The following SMAD6 variants were observed in gnomAD, a reference collection of about 807,000 sequenced individuals.
The protein encoded by SMAD6 is SMAD family member 6.
Under a neutral mutation model 39.4 loss-of-function variants are expected in SMAD6, and 103 were observed. The observed-to-expected ratio is 2.62, with a 90% confidence interval of 2.23 to 3.08. The LOEUF (loss-of-function observed/expected upper bound fraction) is 3.08, where lower values mean the gene tolerates loss of function less well. SMAD6 is among the 30% of genes most tolerant of loss of function. SMAD6 has a pLI of 0.00. For synonymous variants in SMAD6, 445 were observed against 353.3 expected (o/e 1.26, Z -2.91); for missense variants, 1,104 against 742.9 (o/e 1.49, Z -5.65).
chr15:66,775,843 A>T (rs1441179936), intron 3 of SMAD6, among the ~76,000 whole-genome samples: 1 of 152,248 alleles, frequency 6.6e-6, no homozygotes, highest in Non-Finnish European at 1.5e-5. Flanking sequence ...GAGGAGAAAA[A>T]GATCCTTCTG....
chr15:66,717,184 G>T (rs1409760759), intron 3 of SMAD6: 2 of 1,269,588 alleles, frequency 1.6e-6, no homozygotes, highest in Non-Finnish European at 2.1e-6. Flanking sequence ...ACCAAGGTCT[G>T]TGGGGCCCTT....
chr15:66,703,647 C>G lies in SMAD6; in HGVS notation c.389C>G (p.Ser130Trp). The G allele has an allele frequency of 8.1e-7, 1 of 1,231,800 alleles. No individual in the cohort carries two copies. The allele number at this position is 1,231,800 out of a possible 1,614,324, so 76.3% of individuals were successfully genotyped here. A position where few individuals can be genotyped will look rare whatever the true frequency, so the allele number is the denominator to read the frequency against. The change falls in exon 1 of 4, where the codon TCG (serine) becomes TGG (tryptophan). Residue 130 changes from serine (S) to tryptophan (W), a missense_variant. Physicochemically the swap from Ser to Trp is radical, Grantham distance 177. Coordinates refer to ENST00000288840, the MANE Select transcript of SMAD6 (RefSeq NM_005585.5). ...DCETVTCCLF[S>W]ERDAAGAPRD... ...GAGACGGTGACCTGCTGTCTCTTTT[C>G]GGAGCGGGACGCCGCCGGCGCGCCC... is the stretch of plus-strand genomic sequence containing the variant.
intron 3 of SMAD6, among the ~76,000 whole-genome samples, chr15:66,737,428 G>A (rs977428351): frequency 2.3e-4 from 35 of 152,320 alleles, no homozygotes; most frequent in African/African-American, 8.2e-4. Flanking sequence ...AGAAGTGAGC[G>A]CGGGTCGGCT....
At chr15:66,774,756 T>C (rs1329694992) in intron 3 of SMAD6, among the ~76,000 whole-genome samples, 1 of 152,202 alleles carries the variant, frequency 6.6e-6, no homozygotes, top group African/African-American at 2.4e-5. Context: ...AGAAATAAGA[T>C]ATTTCCATCA....
chr15:66,731,021 G>T (rs1188895620), intron 3 of SMAD6, among the ~76,000 whole-genome samples: 3 of 150,750 alleles, frequency 2.0e-5, no homozygotes, highest in Non-Finnish European at 4.4e-5. Context: ...TTTTTGTTTT[G>T]GTTTATTAAG....
In SMAD6 at chr15:66,703,883, C is replaced by G; in HGVS notation, c.625C>G (p.Pro209Ala). The G allele has an allele frequency of 7.6e-7, 1 of 1,313,382 alleles. No individual in the cohort carries two copies. Among genetic ancestry groups the G allele is most frequent in the Non-Finnish European group, 9.7e-7 (1 of 1,030,318 alleles). 81.4% of individuals were successfully genotyped at this position (1,313,382 alleles called of 1,614,324 possible). A position where few individuals can be genotyped will look rare whatever the true frequency, so the allele number is the denominator to read the frequency against. ...GGVPGGCVLVPRADLRLGGQP... is the reference protein window; with the variant it reads ...GGVPGGCVLVARADLRLGGQP... The stretch of plus-strand genomic sequence containing the variant: ...CGTGCCGGGCGGCTGCGTGCTGGTG[C>G]CGCGCGCCGACCTCCGCCTGGGCGG... The change falls in exon 1 of 4, where the codon CCG (proline) becomes GCG (alanine). Residue 209 changes from proline to alanine, a missense_variant. By Grantham distance (27) the Pro-to-Ala change is conservative (BLOSUM62 -1). Coordinates refer to ENST00000288840, the MANE Select transcript of SMAD6 (RefSeq NM_005585.5).
Position 66,776,102 on chromosome 15 carries a change from C to T in SMAD6, c.953-4895C>T, listed in dbSNP as rs575098442. Among the ~76,000 whole-genome samples the T allele has an allele frequency of 3.0e-4, 46 of 152,364 alleles. 2 individuals are homozygous for T. The Middle Eastern group carries it at 0.041, about 135-fold the overall frequency. On this transcript the variant is annotated intron_variant, in intron 3 of 3. Coordinates refer to ENST00000288840, the MANE Select transcript of SMAD6 (RefSeq NM_005585.5). The stretch of plus-strand genomic sequence containing the variant: ...ATTCTAGACATTCAGACATTTGTTG[C>T]TTCATTCTTCCATTCCTTCACTCAC...
At chr15:66,718,846 A>T (rs1300803467) in intron 3 of SMAD6, among the ~76,000 whole-genome samples, 1 of 152,160 alleles carries the variant, frequency 6.6e-6, no homozygotes, top group Non-Finnish European at 1.5e-5. Flanking sequence ...TGGTGAAGGC[A>T]CGAGTCATTC....
chr15:66,725,198 C>T (rs1893501499), intron 3 of SMAD6, among the ~76,000 whole-genome samples: 1 of 152,128 alleles, frequency 6.6e-6, no homozygotes. Context: ...CCTCCATGGC[C>T]CTTGGCTGCC....
chr15:66,719,777 C>T (rs79844754), intron 3 of SMAD6, among the ~76,000 whole-genome samples: 2,951 of 152,286 alleles, frequency 0.019, 92 homozygotes, highest in African/African-American at 0.067. Context: ...GGAAAGGAGA[C>T]GCAGTTGCTT....
chr15:66,717,572 C>CT (rs750098335), intron 3 of SMAD6: 8 of 415,434 alleles, frequency 1.9e-5, no homozygotes, highest in African/African-American at 1.6e-4. Context: ...CTCTGCAACT[C>CT]TAAGGATAAT....
chr15:66,781,854 T>A lies in SMAD6; in HGVS notation c.*319T>A, dbSNP rs867151106. ...CTTCCTCCTTCCTCTTCCTTACTTT[T>A]TATATATATATATAAAGAAAATGAT... is the stretch of plus-strand genomic sequence containing the variant. On this transcript the variant is annotated 3_prime_UTR_variant, in exon 4 of 4. Transcript: ENST00000288840. 1.2e-4 allele frequency: 46 copies of A among 397,976 alleles called. No individual in the cohort carries two copies. Among genetic ancestry groups the A allele is most frequent in the African/African-American group, 1.4e-4 (7 of 48,538 alleles). 24.7% of individuals were successfully genotyped at this position (397,976 alleles called of 1,614,324 possible).
At chr15:66,762,207 T>C (rs1194963531) in intron 3 of SMAD6, among the ~76,000 whole-genome samples, 1 of 152,244 alleles carries the variant, frequency 6.6e-6, no homozygotes. Context: ...GTCTCCCTGA[T>C]TTCCTTGGAC....
chr15:66,748,472 A>G (rs1385380171), intron 3 of SMAD6, among the ~76,000 whole-genome samples: 1 of 152,206 alleles, frequency 6.6e-6, no homozygotes, highest in Non-Finnish European at 1.5e-5. Context: ...AGCACCATTC[A>G]CGCAGCTAAG....
intron 3 of SMAD6, among the ~76,000 whole-genome samples, chr15:66,727,988 G>A (rs943950526): frequency 1.3e-5 from 2 of 152,034 alleles, no homozygotes. Context: ...CAAGTAGCTG[G>A]GATTACAGGC....
At chr15:66,749,311 A>C (rs1893959324) in intron 3 of SMAD6, among the ~76,000 whole-genome samples, 1 of 152,162 alleles carries the variant, frequency 6.6e-6, no homozygotes, top group Non-Finnish European at 1.5e-5. Flanking sequence ...TACAAAAATT[A>C]GCCAGGCATG....
Position 66,731,968 on chromosome 15 carries a change from G to C in SMAD6, c.952+15470G>C, listed in dbSNP as rs143968807. Among the ~76,000 whole-genome samples, 879 of 139,778 alleles carry C rather than the reference G, an allele frequency of 6.3e-3. 7 individuals are homozygous for C. Among genetic ancestry groups the C allele is most frequent in the African/African-American group, 0.02 (761 of 37,772 alleles). 91.7% of individuals were successfully genotyped at this position (139,778 alleles called of 152,430 possible). A position where few individuals can be genotyped will look rare whatever the true frequency, so the allele number is the denominator to read the frequency against. On this transcript the variant is annotated intron_variant, in intron 3 of 3. Transcript: ENST00000288840. ...CTTTTTTTTTTTTTTTTTTGAGACAGAGTCTCGTGCCATCACCCAGGCTAG... is the reference window on the plus strand; with the variant it reads ...CTTTTTTTTTTTTTTTTTTGAGACACAGTCTCGTGCCATCACCCAGGCTAG...
intron 3 of SMAD6, among the ~76,000 whole-genome samples, chr15:66,754,636 A>G (rs1197702099): frequency 6.6e-6 from 1 of 152,200 alleles, no homozygotes; most frequent in Non-Finnish European, 1.5e-5. Flanking sequence ...AATGCCTACT[A>G]GCTGTTCAGC....
chr15:66,716,984 A>G lies in SMAD6; in HGVS notation c.952+486A>G, dbSNP rs1169290905. 5.4e-6 allele frequency: 7 copies of G among 1,289,018 alleles called. No individual in the cohort carries two copies. In the African/African-American group the frequency reaches 9.1e-5, roughly 17 times the overall value. 79.8% of individuals were successfully genotyped at this position (1,289,018 alleles called of 1,614,324 possible). A position where few individuals can be genotyped will look rare whatever the true frequency, so the allele number is the denominator to read the frequency against. ...GGCAAGTGAGGAGTTTGGCAAAGCC[A>G]GTGGTTTCTGTGTCTCTCCCTGAGC... On this transcript the variant is annotated intron_variant, in intron 3 of 3. Coordinates refer to ENST00000288840, the MANE Select transcript of SMAD6 (RefSeq NM_005585.5).
Sources: allele counts gnomAD v4.1 joint callset (sites outside exome capture counted in the v4.1 genomes callset), GRCh38; gene constraint gnomAD v4.1.1; transcripts MANE v1.5; gene names NCBI Gene and HGNC (gene_info 2026-07-23, HGNC 2026-07-21).